EYS: variants seen among roughly 807,000 people sequenced by gnomAD.
The protein encoded by EYS is protein eyes shut homolog.
In EYS, 250 loss-of-function variants were observed where a neutral mutation model predicts 282.1. The observed-to-expected ratio is 0.89, with a 90% confidence interval of 0.80 to 0.98. The LOEUF (loss-of-function observed/expected upper bound fraction) is 0.98. Among genes scored for constraint, EYS ranks in the 50% least tolerant of loss-of-function variants. The pLI is 0.00. For missense variants in EYS, 4,016 were observed against 3,709.0 expected (o/e 1.08, Z -2.15); for synonymous variants, 1,355 against 1,282.9 (o/e 1.06, Z -1.20).
At chr6:64,305,002 G>GACA (rs137882222) in intron 30 of EYS, among the ~76,000 whole-genome samples, 1,976 of 152,250 alleles carry the variant, frequency 0.013, 26 homozygotes, top group East Asian at 0.049. Context: ...AAGTAGAGAT[G>GACA]ACATTGATGA....
intron 24 of EYS, among the ~76,000 whole-genome samples, chr6:64,601,054 A>C (rs1014561136): frequency 4.6e-5 from 7 of 151,934 alleles, no homozygotes; most frequent in African/African-American, 1.7e-4. Context: ...CTTCTAAAAA[A>C]CTTGGTTTCT....
intron 30 of EYS, among the ~76,000 whole-genome samples, chr6:64,232,609 T>C (rs1766459220): frequency 6.6e-6 from 1 of 152,104 alleles, no homozygotes; most frequent in South Asian, 2.1e-4. Context: ...CAGGCTGGTC[T>C]CGAACTCCTG....
chr6:64,319,405 A>T (rs890636061), intron 29 of EYS, among the ~76,000 whole-genome samples: 1 of 151,890 alleles, frequency 6.6e-6, no homozygotes, highest in Non-Finnish European at 1.5e-5. Flanking sequence ...AATGGTTTTC[A>T]TCCTGTATTA....
At chr6:64,297,229 C>T (rs1769063548) in intron 30 of EYS, among the ~76,000 whole-genome samples, 1 of 79,282 alleles carries the variant, frequency 1.3e-5, no homozygotes, top group Admixed American at 1.2e-4. Context: ...TGGTCATTGT[C>T]ACACTTCCCC....
chr6:65,441,348 G>C (rs1432265376), intron 5 of EYS, among the ~76,000 whole-genome samples: 3 of 151,610 alleles, frequency 2.0e-5, no homozygotes, highest in African/African-American at 7.3e-5. Context: ...GACACTATAT[G>C]TGTTAGTTTT....
chr6:63,954,361 C>T (rs1354960314), intron 35 of EYS, among the ~76,000 whole-genome samples: 1 of 152,186 alleles, frequency 6.6e-6, no homozygotes, highest in Non-Finnish European at 1.5e-5. Context: ...GCAAGCTGAA[C>T]TCATTGCCTT....
intron 31 of EYS, among the ~76,000 whole-genome samples, chr6:64,093,199 C>G (rs1772438211): frequency 6.6e-6 from 1 of 151,926 alleles, no homozygotes; most frequent in African/African-American, 2.4e-5. Flanking sequence ...ATGCCTCCAG[C>G]TTTGTTCTTT....
At chr6:64,346,350 C>A (rs1024565231) in intron 29 of EYS, among the ~76,000 whole-genome samples, 2 of 152,050 alleles carry the variant, frequency 1.3e-5, no homozygotes, top group African/African-American at 2.4e-5. Flanking sequence ...GTCACATACA[C>A]ACCATGGAAT....
At chr6:64,014,426 A>G (rs1275784670) in intron 33 of EYS, among the ~76,000 whole-genome samples, 1 of 152,170 alleles carries the variant, frequency 6.6e-6, no homozygotes, top group African/African-American at 2.4e-5. Flanking sequence ...TTTGCAGTAC[A>G]TAATTTTCCT....
At chr6:64,779,792 G>T (rs903087636) in intron 22 of EYS, among the ~76,000 whole-genome samples, 3 of 152,060 alleles carry the variant, frequency 2.0e-5, no homozygotes, top group South Asian at 2.1e-4. Flanking sequence ...AACTAAAACT[G>T]CTCAAAAACA....
In EYS at chr6:64,663,119, CT is replaced by C. The variant is rs1361890501; in HGVS notation, c.3444-36875del. Among the ~76,000 whole-genome samples the C allele has an allele frequency of 4.2e-5, 4 of 96,310 alleles. No homozygotes were observed. The Admixed American group carries it at 4.4e-4, about 11-fold the overall frequency. 63.2% of individuals were successfully genotyped at this position (96,310 alleles called of 152,430 possible). A position where few individuals can be genotyped will look rare whatever the true frequency, so the allele number is the denominator to read the frequency against. On this transcript the variant is annotated intron_variant, in intron 22 of 42. Coordinates refer to ENST00000503581, the MANE Select transcript of EYS (RefSeq NM_001142800.2). The stretch of plus-strand genomic sequence containing the variant: ...AGAGCTTAGCGAATTGATGATTTTC[CT>C]AAAAAATAATAGAATTAGACTTCCC...
At chr6:63,754,516 A>G (rs1319540360) in intron 41 of EYS, among the ~76,000 whole-genome samples, 1 of 152,234 alleles carries the variant, frequency 6.6e-6, no homozygotes, top group African/African-American at 2.4e-5. Flanking sequence ...TGCAAAGGAC[A>G]TGAACTCATC....
At chr6:64,684,592 A>T (rs9345371) in intron 22 of EYS, among the ~76,000 whole-genome samples, 4,267 of 150,400 alleles carry the variant, frequency 0.028, 149 homozygotes, top group African/African-American at 0.08. Flanking sequence ...TAGGAAAAAA[A>T]ATATATAGAG....
At chr6:65,581,600 A>T (rs1045727625) in intron 2 of EYS, among the ~76,000 whole-genome samples, 3 of 152,040 alleles carry the variant, frequency 2.0e-5, no homozygotes, top group African/African-American at 7.2e-5. Flanking sequence ...GTTACTGTTA[A>T]TTGCTTTATG....
At chr6:64,251,767 C>G (rs1034065207) in intron 30 of EYS, among the ~76,000 whole-genome samples, 1 of 152,130 alleles carries the variant, frequency 6.6e-6, no homozygotes, top group Admixed American at 6.5e-5. Flanking sequence ...CAAAGATTAT[C>G]TGGTCACACA....
intron 12 of EYS, among the ~76,000 whole-genome samples, chr6:65,071,466 T>C (rs1405812025): frequency 6.6e-6 from 1 of 151,836 alleles, no homozygotes; most frequent in Non-Finnish European, 1.5e-5. Flanking sequence ...AGTTTTTAGA[T>C]TTCTGTGAAT....
intron 5 of EYS, among the ~76,000 whole-genome samples, chr6:65,429,182 A>T (rs1767781024): frequency 6.6e-6 from 1 of 152,116 alleles, no homozygotes; most frequent in Non-Finnish European, 1.5e-5. Flanking sequence ...CATCTCAAAA[A>T]AAAAAAAAAT....
chr6:65,009,807 T>C (rs975985549), intron 13 of EYS, among the ~76,000 whole-genome samples: 2 of 152,172 alleles, frequency 1.3e-5, no homozygotes, highest in Non-Finnish European at 1.5e-5. Context: ...GTTTAAATAC[T>C]TAGGGCTAAA....
intron 22 of EYS, chr6:64,728,871 T>C (rs1771860333): frequency 6.6e-6 from 1 of 152,224 alleles, no homozygotes. Flanking sequence ...TTATTGCTGA[T>C]GAAAATGGCT....
Sources: gnomAD v4.1 joint callset for allele counts (sites outside exome capture counted in the v4.1 genomes callset) on GRCh38, gnomAD v4.1.1 for gene constraint, MANE v1.5 for transcripts, NCBI Gene and HGNC (gene_info 2026-07-23, HGNC 2026-07-21) for gene names.